The following FBXO27 variants were observed in gnomAD, a reference collection of about 807,000 sequenced individuals.
FBXO27 encodes F-box only protein 27.
Under a neutral mutation model 28.3 loss-of-function variants are expected in FBXO27, and 28 were observed. The ratio of observed to expected loss-of-function variants is 0.99; its 90% CI spans 0.73 to 1.36. The LOEUF is 1.36. Ranked by LOEUF, FBXO27 falls within the 40% of genes most tolerant of loss-of-function variation. The probability of loss-of-function intolerance (pLI) is 0.00; values close to 1 mark genes in which losing one functional copy is unlikely to be tolerated. For missense variants in FBXO27, 388 were observed against 394.1 expected, an observed-to-expected ratio of 0.98 and a Z score of 0.13; for synonymous variants, 175 against 167.3, an observed-to-expected ratio of 1.05 and a Z score of -0.36.
downstream of FBXO27, among the ~76,000 whole-genome samples, chr19:39,019,633 T>C (rs1327578694): frequency 6.6e-6 from 1 of 151,930 alleles, no homozygotes. Flanking sequence ...AATATCAAGG[T>C]AACAGGAGAG....
Position 39,025,359 on chromosome 19 carries a change from C to G in FBXO27, c.*52G>C, listed in dbSNP as rs2072866672. 8 of 1,581,272 alleles carry G rather than the reference C, an allele frequency of 5.1e-6. No homozygotes were observed. In the Admixed American group the frequency reaches 1.4e-4, roughly 27 times the overall value. ...TAATGAGGGGTCCCAGCCAATGGTC[C>G]CAGGCCCTGGAAGGCACAGTCAGGC... is the stretch of plus-strand genomic sequence containing the variant. On this transcript the variant is annotated 3_prime_UTR_variant, in exon 6 of 6. Transcript: ENST00000292853.
At chr19:39,028,556 A>G (rs998804063) in intron 4 of FBXO27, among the ~76,000 whole-genome samples, 1 of 151,828 alleles carries the variant, frequency 6.6e-6, no homozygotes, top group African/African-American at 2.4e-5. Context: ...GTGACATGGC[A>G]AAACCCCGTC....
At chr19:39,007,161 G>C (rs1798758380) in intron 2 of FBXO27, among the ~76,000 whole-genome samples, 1 of 151,962 alleles carries the variant, frequency 6.6e-6, no homozygotes. Flanking sequence ...CCCCAGGCAG[G>C]AGGTGCATTC....
chr19:39,031,748 C>G (rs56229814), intron 2 of FBXO27, 116 bp downstream of exon 2: 4 of 1,077,474 alleles, frequency 3.7e-6, no homozygotes, highest in Non-Finnish European at 4.5e-6. Flanking sequence ...ACCGGTCCCA[C>G]TGCGGCCCTG....
chr19:39,014,726 AAAACAAAAAAAC>A (rs1398992957), intron 1 of FBXO27, among the ~76,000 whole-genome samples: 2 of 147,922 alleles, frequency 1.4e-5, no homozygotes, highest in African/African-American at 4.9e-5. Context: ...ACCCTGTCTA[AAAACAAAAAAAC>A]AAACAAACAA....
Position 39,025,368 on chromosome 19 carries a change from G to T in FBXO27, c.*43C>A, listed in dbSNP as rs1232474494. On this transcript the variant is annotated 3_prime_UTR_variant, in exon 6 of 6. Coordinates refer to ENST00000292853, the MANE Select transcript of FBXO27 (RefSeq NM_178820.5). ...GTCCCAGCCAATGGTCCCAGGCCCT[G>T]GAAGGCACAGTCAGGCTGTCTTGCA... The T allele has an allele frequency of 6.3e-7, 1 of 1,590,920 alleles. No individual in the cohort carries two copies. The highest frequency in any genetic ancestry group is 8.6e-7 in the Non-Finnish European group (1 of 1,165,206).
In FBXO27 at chr19:39,031,946, A is replaced by G; in HGVS notation, c.282T>C (p.Arg94=). 1 of 1,516,896 alleles carries G rather than the reference A, an allele frequency of 6.6e-7. No individual in the cohort carries two copies. The highest frequency in any genetic ancestry group is 8.7e-7 in the Non-Finnish European group (1 of 1,144,208). The allele number at this position is 1,516,896 out of a possible 1,614,324, so 94.0% of individuals were successfully genotyped here. A position where few individuals can be genotyped will look rare whatever the true frequency, so the allele number is the denominator to read the frequency against. ...HLARSCQSPA[R]NARPCPLGRF... ...GGCCCAGGGGGCAAGGCCTGGCGTT[A>G]CGGGCGGGAGACTGGCAGCTGCGGG... Residue 94 remains arginine, a synonymous_variant, in exon 2 of 6, where the codon CGT becomes CGC. Transcript: ENST00000292853.
chr19:39,008,581 T>A (rs1255360417), intron 2 of FBXO27, among the ~76,000 whole-genome samples: 1 of 152,194 alleles, frequency 6.6e-6, no homozygotes, highest in Non-Finnish European at 1.5e-5. Flanking sequence ...ATTCACAATG[T>A]TGTACAACCA....
At chr19:39,015,178 A>G (rs2144885856) in intron 1 of FBXO27, among the ~76,000 whole-genome samples, 1 of 151,000 alleles carries the variant, frequency 6.6e-6, no homozygotes, top group African/African-American at 2.4e-5. Flanking sequence ...CATTAGTTGA[A>G]TGTGGTGGTG....
Position 39,031,299 on chromosome 19 carries a change from AC to A in FBXO27, c.385del (p.Val129CysfsTer27). On this transcript the variant is annotated frameshift_variant, in exon 3 of 6. Coordinates refer to ENST00000292853, the MANE Select transcript of FBXO27 (RefSeq NM_178820.5). LOFTEE classifies it high-confidence loss of function. ...CGQEGLRKWM[V>X]QHGGDGWVVE... ...CACCCAGCCGTCCCCACCGTGTTGC[AC>A]CATCCACTTTCGGAGGCCTTCTGTG... is the stretch of plus-strand genomic sequence containing the variant. 2 of 1,612,924 alleles carry A rather than the reference AC, an allele frequency of 1.2e-6. No homozygotes were observed. The highest frequency in any genetic ancestry group is 1.7e-6 in the Non-Finnish European group (2 of 1,179,754).
rs1305524045 is a variant in FBXO27 at position 39,031,856 on chromosome 19, G to A, written c.364+8C>T. ...CAGCATCCTGGACTTCCTCTTCCGA[G>A]ATCCCACCTTGGCCGCAGGGGTTGC... On this transcript the variant is annotated splice_region_variant and intron_variant, in intron 2 of 5. Transcript: ENST00000292853. 1.4e-6 allele frequency: 2 copies of A among 1,471,448 alleles called. No individual in the cohort carries two copies. The highest frequency in any genetic ancestry group is 1.8e-6 in the Non-Finnish European group (2 of 1,124,030). 91.1% of individuals were successfully genotyped at this position (1,471,448 alleles called of 1,614,324 possible). A position where few individuals can be genotyped will look rare whatever the true frequency, so the allele number is the denominator to read the frequency against.
Position 39,016,461 on chromosome 19 carries a change from TAA to T in FBXO27, c.92-1916_92-1915del, listed in dbSNP as rs2072820312. On this transcript the variant is annotated intron_variant, in intron 1 of 2. Coordinates refer to the FBXO27 transcript ENST00000598394. ...TGTGAACCTAAAACTGCTCTAAAAA[TAA>T]AGTCTAGGCTGGGCGCGGTGGCTCA... is the stretch of plus-strand genomic sequence containing the variant. Among the ~76,000 whole-genome samples the T allele has an allele frequency of 2.0e-5, 3 of 151,732 alleles. No individual in the cohort carries two copies. The South Asian group carries it at 6.2e-4, about 32-fold the overall frequency.
intron 2 of FBXO27, among the ~76,000 whole-genome samples, chr19:39,009,162 G>C (rs150107559): frequency 3.3e-5 from 5 of 152,220 alleles, no homozygotes; most frequent in Non-Finnish European, 5.9e-5. Context: ...TTGTATGGAT[G>C]GACCACTTTT....
chr19:39,009,513 T>C (rs2072784573), intron 2 of FBXO27, among the ~76,000 whole-genome samples: 2 of 152,222 alleles, frequency 1.3e-5, no homozygotes, highest in Admixed American at 1.3e-4. Context: ...GGTATTTTAC[T>C]GTGGCTTTGA....
In FBXO27 at chr19:39,032,086, C is replaced by T. The variant is rs1324541866; in HGVS notation, c.142G>A (p.Gly48Arg). 2 of 1,532,646 alleles carry T rather than the reference C, an allele frequency of 1.3e-6. No individual in the cohort carries two copies. Among genetic ancestry groups the T allele is most frequent in the Non-Finnish European group, 1.7e-6 (2 of 1,146,180 alleles). 94.9% of individuals were successfully genotyped at this position (1,532,646 alleles called of 1,614,324 possible). The change falls in exon 2 of 6, where the codon GGG (glycine) becomes AGG (arginine). Residue 48 changes from glycine to arginine, a missense_variant. Transcript: ENST00000292853. This position sits in a 1 kb window ranked among gnomAD's most constrained non-coding sequence, Gnocchi z 4.7. ...CCCCGGCACACTTGGCGGCAGCGCC[C>T]GAGCAGCGTGCGCGGGGGGACGTGG... ...LSHVPPRTLL[G>R]RCRQVCRGWR...
intron 4 of FBXO27, chr19:39,030,801 T>G: frequency 1.8e-6 from 1 of 556,860 alleles, no homozygotes; most frequent in Non-Finnish European, 3.2e-6. Flanking sequence ...AGAGACGAGG[T>G]TTTGCCATGC....
At chr19:39,029,568 C>G (rs1363105472) in intron 4 of FBXO27, among the ~76,000 whole-genome samples, 3 of 151,864 alleles carry the variant, frequency 2.0e-5, no homozygotes, top group Non-Finnish European at 1.5e-5. Context: ...AAGGGGGACA[C>G]TGAGAAAGAG....
chr19:39,008,860 G>A (rs933130128), intron 2 of FBXO27, among the ~76,000 whole-genome samples: 3 of 152,000 alleles, frequency 2.0e-5, no homozygotes, highest in South Asian at 2.1e-4. Flanking sequence ...TCGCTCCATC[G>A]CCCAGGCTGG....
chr19:39,029,180 C>T (rs1289545071), intron 4 of FBXO27, among the ~76,000 whole-genome samples: 1 of 151,634 alleles, frequency 6.6e-6, no homozygotes, highest in Non-Finnish European at 1.5e-5. Context: ...AATCCCGGCA[C>T]TTTAATAGGC....
Sources: gnomAD v4.1 joint callset for allele counts (sites outside exome capture counted in the v4.1 genomes callset) on GRCh38, gnomAD v4.1.1 for gene constraint, Gnocchi (gnomAD v3.1) non-coding constraint, MANE v1.5 for transcripts, NCBI Gene and HGNC (gene_info 2026-07-23, HGNC 2026-07-21) for gene names.